FAHD2A: variants seen among roughly 807,000 people sequenced by gnomAD.
FAHD2A encodes fumarylacetoacetate hydrolase domain containing 2A, also known as oxaloacetate tautomerase FAHD2A, mitochondrial.
Under a neutral mutation model 33.4 loss-of-function variants are expected in FAHD2A, and 27 were observed. That is an observed-to-expected ratio of 0.81 (90% confidence interval 0.60 to 1.11). The LOEUF is 1.11. Ranked by LOEUF, FAHD2A falls within the 50% of genes most tolerant of loss-of-function variation. The pLI is 0.00. For missense variants in FAHD2A, 296 were observed against 395.0 expected (o/e 0.75, Z 2.12); for synonymous variants, 130 against 153.3 (o/e 0.85, Z 1.12).
In FAHD2A at chr2:95,402,763, C is replaced by T. The variant is rs1257938296; in HGVS notation, c.-116C>T. 1 of 152,448 alleles carries T rather than the reference C, an allele frequency of 6.6e-6. No individual in the cohort carries two copies. The highest frequency in any genetic ancestry group is 6.5e-5 in the Admixed American group (1 of 15,290). The allele number at this position is 152,448 out of a possible 1,614,324, so 9.4% of individuals were successfully genotyped here. A position where few individuals can be genotyped will look rare whatever the true frequency, so the allele number is the denominator to read the frequency against. On this transcript the variant is annotated 5_prime_UTR_variant, in exon 1 of 8. Coordinates refer to ENST00000233379, the MANE Select transcript of FAHD2A (RefSeq NM_016044.3). ...CCCTGGGTTAGCAGCTGCTGCATTT[C>T]CCCGGCTGGCTGCGGTCACTGGTGG...
At chr2:95,410,768 A>G in intron 4 of FAHD2A, 96 bp from the exon 5 acceptor site, 1 of 1,574,368 alleles carries the variant, frequency 6.4e-7, no homozygotes, top group Non-Finnish European at 8.6e-7. Flanking sequence ...GGCTCTGGCT[A>G]CTAACATGGG....
intron 3 of FAHD2A, 141 bp downstream of exon 3, chr2:95,407,298 A>G: frequency 1.6e-6 from 2 of 1,268,548 alleles, no homozygotes; most frequent in Non-Finnish European, 2.2e-6. Context: ...CACAGTAGTA[A>G]CACTGGCCTT....
rs1030450887 is a variant in FAHD2A, at chr2:95,402,862, G to C, written c.-17G>C. On this transcript the variant is annotated 5_prime_UTR_variant, in exon 1 of 8. Transcript: ENST00000233379. ...ACCCTACAGCGCAGGAAGATCGGCC[G>C]CCGCGGCCAGGTAGGACGAGCCTGG... The C allele has an allele frequency of 6.6e-6, 1 of 152,362 alleles. No homozygotes were observed. The highest frequency in any genetic ancestry group is 1.5e-5 in the Non-Finnish European group (1 of 68,136). The allele number at this position is 152,362 out of a possible 1,614,324, so 9.4% of individuals were successfully genotyped here. A position where few individuals can be genotyped will look rare whatever the true frequency, so the allele number is the denominator to read the frequency against.
chr2:95,412,859 G>T (rs776816412), intron 7 of FAHD2A, 36 bp from the exon 8 acceptor site: 1 of 1,614,270 alleles, frequency 6.2e-7, no homozygotes, highest in Non-Finnish European at 8.5e-7. Context: ...GTGTCTGACG[G>T]AAGGGCTGAC....
At chr2:95,412,831 G>T in intron 7 of FAHD2A, 64 bp from the exon 8 acceptor site, 2 of 1,614,182 alleles carry the variant, frequency 1.2e-6, no homozygotes, top group Non-Finnish European at 1.7e-6. Flanking sequence ...GACTTGAGAA[G>T]TACAGGCTTG....
chr2:95,417,834 G>T (rs1318956723), downstream of FAHD2A, among the ~76,000 whole-genome samples: 1 of 152,008 alleles, frequency 6.6e-6, no homozygotes, highest in Non-Finnish European at 1.5e-5. Flanking sequence ...CATCATGAGG[G>T]CTCCATCCCC....
In FAHD2A at chr2:95,410,938, A is replaced by T; in HGVS notation, c.597A>T (p.Arg199Ser). 1 of 1,613,946 alleles carries T rather than the reference A, an allele frequency of 6.2e-7. No homozygotes were observed. Among genetic ancestry groups the T allele is most frequent in the Non-Finnish European group, 8.5e-7 (1 of 1,179,858 alleles). ...HDVSARDWQMRRNGKQWLLGK... is the reference protein window; with the variant it reads ...HDVSARDWQMSRNGKQWLLGK... Reference sequence around the variant, plus strand: ...TGAGTGCTCGTGACTGGCAAATGAGACGTAATGGGAAACAATGGCTGCTGG... The same window carrying T: ...TGAGTGCTCGTGACTGGCAAATGAGTCGTAATGGGAAACAATGGCTGCTGG... Residue 199 changes from arginine (R) to serine (S), a missense_variant, in exon 5 of 8, where the codon AGA becomes AGT. Coordinates refer to ENST00000233379, the MANE Select transcript of FAHD2A (RefSeq NM_016044.3).
chr2:95,420,697 A>G (rs1221812362), downstream of FAHD2A, among the ~76,000 whole-genome samples: 3 of 151,988 alleles, frequency 2.0e-5, no homozygotes, highest in African/African-American at 7.3e-5. Context: ...TTTTTAAAAT[A>G]AAAAGAAGTT....
Position 95,414,023 on chromosome 2 carries a change from G to A in FAHD2A, c.*1066G>A. ...GCTTTGGGTCTGCACACTCTGGAAA[G>A]AAGAGAGAAGTGAAGGCTCTAGGTA... is the stretch of plus-strand genomic sequence containing the variant. On this transcript the variant is annotated 3_prime_UTR_variant, in exon 8 of 8. Coordinates refer to ENST00000233379, the MANE Select transcript of FAHD2A (RefSeq NM_016044.3). The A allele has an allele frequency of 6.9e-7, 1 of 1,454,130 alleles. No individual in the cohort carries two copies. The highest frequency in any genetic ancestry group is 9.6e-7 in the Non-Finnish European group (1 of 1,036,712). The allele number at this position is 1,454,130 out of a possible 1,614,324, so 90.1% of individuals were successfully genotyped here.
At chr2:95,410,162 G>A (rs1465847834) in intron 3 of FAHD2A, among the ~76,000 whole-genome samples, 1 of 152,202 alleles carries the variant, frequency 6.6e-6, no homozygotes, top group African/African-American at 2.4e-5. Context: ...TTAGAACAGT[G>A]CCTGACACAC....
chr2:95,414,166 G>A lies in FAHD2A; in HGVS notation c.*1209G>A. ...CTGCAGCCCGCCTTCCTAGAGTTGG[G>A]TTGTCACTGTCCGGCAGGGGGCAGC... On this transcript the variant is annotated 3_prime_UTR_variant, in exon 8 of 8. Coordinates refer to ENST00000233379, the MANE Select transcript of FAHD2A (RefSeq NM_016044.3). 1 of 1,570,226 alleles carries A rather than the reference G, an allele frequency of 6.4e-7. No individual in the cohort carries two copies. Among genetic ancestry groups the A allele is most frequent in the South Asian group, 1.2e-5 (1 of 85,982 alleles).
Position 95,414,460 on chromosome 2 carries a change from A to G in FAHD2A, c.*1503A>G, listed in dbSNP as rs1263590777. ...CTCAGTTCCTCCACTGCTTCGTCCC[A>G]GATTCTGTTTTTGTTTTCCTGAATC... On this transcript the variant is annotated 3_prime_UTR_variant, in exon 8 of 8. Coordinates refer to ENST00000233379, the MANE Select transcript of FAHD2A (RefSeq NM_016044.3). 1.9e-6 allele frequency: 1 copy of G among 527,048 alleles called. No homozygotes were observed. Among genetic ancestry groups the G allele is most frequent in the African/African-American group, 1.9e-5 (1 of 51,414 alleles). The allele number at this position is 527,048 out of a possible 1,614,324, so 32.6% of individuals were successfully genotyped here. A position where few individuals can be genotyped will look rare whatever the true frequency, so the allele number is the denominator to read the frequency against.
Position 95,413,302 on chromosome 2 carries a change from G to A in FAHD2A, c.*345G>A, listed in dbSNP as rs976861057. The A allele has an allele frequency of 1.3e-5, 19 of 1,429,660 alleles. No individual in the cohort carries two copies. The highest frequency in any genetic ancestry group is 1.6e-5 in the Non-Finnish European group (17 of 1,081,910). 88.6% of individuals were successfully genotyped at this position (1,429,660 alleles called of 1,614,324 possible). On this transcript the variant is annotated 3_prime_UTR_variant, in exon 8 of 8. Coordinates refer to ENST00000233379, the MANE Select transcript of FAHD2A (RefSeq NM_016044.3). ...TCCCCTTGTTTATCACATCAAAGAA[G>A]GGAAAAAGCAAGAGATGGCAAGGGA...
At chr2:95,403,397 T>C (rs1341614656) in intron 1 of FAHD2A, among the ~76,000 whole-genome samples, 1 of 152,186 alleles carries the variant, frequency 6.6e-6, no homozygotes, top group Non-Finnish European at 1.5e-5. Flanking sequence ...CCTGGGGTTC[T>C]CTTGGAGAGC....
chr2:95,403,126 G>A (rs1364912055), intron 1 of FAHD2A: 1 of 152,298 alleles, frequency 6.6e-6, no homozygotes, highest in African/African-American at 2.4e-5. Context: ...GTTTGATGGA[G>A]GCTACTGTTT....
chr2:95,416,933 C>G (rs1276178925), downstream of FAHD2A, among the ~76,000 whole-genome samples: 6 of 152,342 alleles, frequency 3.9e-5, no homozygotes, highest in African/African-American at 1.4e-4. Flanking sequence ...CAAAGGTACC[C>G]TGATATGCTT....
chr2:95,417,996 T>G (rs901926729), downstream of FAHD2A, among the ~76,000 whole-genome samples: 1 of 152,102 alleles, frequency 6.6e-6, no homozygotes, highest in Admixed American at 6.5e-5. Context: ...TGGTGCTGCT[T>G]TGAGTATCTC....
In FAHD2A at chr2:95,412,771, T is replaced by A; in HGVS notation, c.882+7T>A. On this transcript the variant is annotated splice_region_variant and intron_variant, in intron 7 of 7. Transcript: ENST00000233379. ...ACCTCCTGTCTTTCTCAAGGTAGGT[T>A]AGCGAAAAGCAAAGAGCAAGGGCCC... 6.2e-7 allele frequency: 1 copy of A among 1,614,166 alleles called. No individual in the cohort carries two copies. Among genetic ancestry groups the A allele is most frequent in the Non-Finnish European group, 8.5e-7 (1 of 1,180,010 alleles).
At chr2:95,418,250 TTGTG>T (rs143871334), downstream of FAHD2A, among the ~76,000 whole-genome samples, 1 of 148,272 alleles carries the variant, frequency 6.7e-6, no homozygotes, top group Non-Finnish European at 1.5e-5. Flanking sequence ...TTGGGGGTGG[TTGTG>T]TGTGTGTGTG....
Sources: allele counts gnomAD v4.1 joint callset (sites outside exome capture counted in the v4.1 genomes callset), GRCh38; gene constraint gnomAD v4.1.1; transcripts MANE v1.5; gene names NCBI Gene and HGNC (gene_info 2026-07-23, HGNC 2026-07-21).